The following UBE4B variants were observed in gnomAD, a reference collection of about 807,000 sequenced individuals.
UBE4B encodes ubiquitin conjugation factor E4 B.
UBE4B carries 27 observed loss-of-function variants against 148.1 expected under a neutral mutation model. The ratio of observed to expected loss-of-function variants is 0.18; its 90% CI spans 0.13 to 0.25. UBE4B has a LOEUF of 0.25. Among genes scored for constraint, UBE4B ranks in the 10% least tolerant of loss-of-function variants. The pLI is 1.00. For missense variants in UBE4B, 1,170 were observed against 1,662.4 expected (o/e 0.70, Z 5.15); for synonymous variants, 596 against 619.3 (o/e 0.96, Z 0.56).
chr1:10,083,463 C>T, intron 2 of UBE4B, among the ~76,000 whole-genome samples: 1 of 152,178 alleles, frequency 6.6e-6, no homozygotes. Context: ...AAGATCAAAG[C>T]CATTCTTTTA....
chr1:10,123,142 C>T (rs189519290), intron 10 of UBE4B, among the ~76,000 whole-genome samples: 12 of 152,100 alleles, frequency 7.9e-5, no homozygotes, highest in Non-Finnish European at 1.5e-4. Context: ...GAAAATAAAT[C>T]ACTGTCGGCC....
intron 1 of UBE4B, among the ~76,000 whole-genome samples, chr1:10,066,539 T>G (rs1307628165): frequency 2.6e-5 from 4 of 152,084 alleles, no homozygotes; most frequent in Non-Finnish European, 5.9e-5. Flanking sequence ...AGGCCTACTG[T>G]GAAATTGTCA....
intron 17 of UBE4B, among the ~76,000 whole-genome samples, chr1:10,142,507 C>A (rs1645799029): frequency 6.6e-6 from 1 of 151,758 alleles, no homozygotes; most frequent in Admixed American, 6.6e-5. Context: ...CTCGTCACTA[C>A]TAAAAATACA....
At chr1:10,170,256 T>C (rs1239780998) in intron 24 of UBE4B, among the ~76,000 whole-genome samples, 1 of 152,232 alleles carries the variant, frequency 6.6e-6, no homozygotes, top group East Asian at 1.9e-4. Context: ...TCAAACAGAA[T>C]GACCAACTCT....
At chr1:10,170,529 C>A (rs1646323703) in intron 24 of UBE4B, among the ~76,000 whole-genome samples, 2 of 152,294 alleles carry the variant, frequency 1.3e-5, no homozygotes, top group South Asian at 4.1e-4. Flanking sequence ...ACTGAGTCAC[C>A]TTGTGAGATT....
chr1:10,137,360 A>C (rs1184835790), intron 17 of UBE4B, among the ~76,000 whole-genome samples, 155 bp downstream of exon 17: 1 of 152,200 alleles, frequency 6.6e-6, no homozygotes, highest in African/African-American at 2.4e-5. Context: ...CATGTTGCTC[A>C]GTTGTCCAGA....
chr1:10,066,182 C>G (rs1442260368), intron 1 of UBE4B, among the ~76,000 whole-genome samples: 2 of 151,724 alleles, frequency 1.3e-5, no homozygotes, highest in Admixed American at 6.6e-5. Flanking sequence ...GACACCCCGG[C>G]TGGAGTGCAG....
chr1:10,044,504 C>T (rs1483103717), intron 1 of UBE4B, among the ~76,000 whole-genome samples: 1 of 152,120 alleles, frequency 6.6e-6, no homozygotes, highest in Non-Finnish European at 1.5e-5. Context: ...ATGATTCAAG[C>T]ATATTACATT....
At chr1:10,159,663 C>T (rs1027862506) in intron 22 of UBE4B, among the ~76,000 whole-genome samples, 6 of 151,848 alleles carry the variant, frequency 4.0e-5, no homozygotes, top group Admixed American at 6.6e-5. Flanking sequence ...CCAGCCTGGG[C>T]GACAGAGTGA....
chr1:10,144,532 G>A (rs1645836277), intron 17 of UBE4B, among the ~76,000 whole-genome samples: 1 of 152,066 alleles, frequency 6.6e-6, no homozygotes, highest in African/African-American at 2.4e-5. Flanking sequence ...TCAGGAGTTT[G>A]AGACCAGCCT....
intron 19 of UBE4B, among the ~76,000 whole-genome samples, chr1:10,147,300 C>T (rs566216345): frequency 6.6e-6 from 1 of 152,232 alleles, no homozygotes; most frequent in South Asian, 2.1e-4. Context: ...CAAGACCAGC[C>T]TGGCCAACAT....
At chr1:10,130,649 C>G (rs1032793742) in intron 13 of UBE4B, 33 bp downstream of exon 13, 2 of 1,612,534 alleles carry the variant, frequency 1.2e-6, no homozygotes, top group African/African-American at 2.7e-5. Context: ...CTTTGCTGCC[C>G]TTTTATTCAG....
At chr1:10,172,659 A>G (rs1409068100) in intron 25 of UBE4B, among the ~76,000 whole-genome samples, 1 of 152,100 alleles carries the variant, frequency 6.6e-6, no homozygotes, top group Non-Finnish European at 1.5e-5. Flanking sequence ...CCCATATCTC[A>G]TCCAAAGGAG....
intron 1 of UBE4B, among the ~76,000 whole-genome samples, chr1:10,069,707 G>T (rs897902614): frequency 1.3e-5 from 2 of 152,096 alleles, no homozygotes; most frequent in Non-Finnish European, 2.9e-5. Flanking sequence ...GCTGATCTTT[G>T]TATTTTTAGT....
chr1:10,142,449 T>C (rs753065709), intron 17 of UBE4B, among the ~76,000 whole-genome samples: 12 of 152,104 alleles, frequency 7.9e-5, no homozygotes, highest in Non-Finnish European at 1.2e-4. Context: ...GGTGGGCAGA[T>C]CACATGAGGT....
chr1:10,035,376 A>T (rs1570751565), intron 1 of UBE4B, among the ~76,000 whole-genome samples: 1 of 144,060 alleles, frequency 6.9e-6, no homozygotes, highest in East Asian at 2.1e-4. Flanking sequence ...ATTTCTCTTA[A>T]GGCAGAGATA....
rs150680333 is a variant in UBE4B at position 10,178,841 on chromosome 1, T to G, written c.3700+23T>G. ...GAGGCAAGTGGACTCGTCGTTTTCA[T>G]GCTGATTTCTTTTGAGTTAACTGGA... On this transcript the variant is annotated intron_variant, in intron 26 of 27. Transcript: ENST00000343090. 5.5e-4 allele frequency: 864 copies of G among 1,563,386 alleles called. 7 individuals carry two copies. In the African/African-American group the frequency reaches 0.011, roughly 20 times the overall value.
intron 19 of UBE4B, among the ~76,000 whole-genome samples, chr1:10,148,002 T>G (rs1570979825): frequency 6.6e-6 from 1 of 151,748 alleles, no homozygotes. Flanking sequence ...CCAGGGCGGG[T>G]GGATCACATG....
chr1:10,059,657 G>A (rs74352466), intron 1 of UBE4B: 3,946 of 158,924 alleles, frequency 0.025, 165 homozygotes, highest in African/African-American at 0.089. Flanking sequence ...AGGCCGAGGC[G>A]TGAAGGGCGG....
Sources: gnomAD v4.1 joint callset for allele counts (sites outside exome capture counted in the v4.1 genomes callset) on GRCh38, gnomAD v4.1.1 for gene constraint, MANE v1.5 for transcripts, NCBI Gene and HGNC (gene_info 2026-07-23, HGNC 2026-07-21) for gene names.